Variants in CCNC observed in about 807,000 individuals in gnomAD.
The protein encoded by CCNC is cyclin C.
A neutral mutation model predicts 50.0 loss-of-function variants in CCNC; 19 were observed. The observed-to-expected ratio is 0.38, with a 90% CI of 0.27 to 0.56. The LOEUF is 0.56. CCNC is among the 20% of genes least tolerant of loss of function. The pLI, the probability that CCNC is intolerant of heterozygous loss-of-function variation, is 0.72. For synonymous variants in CCNC, 93 were observed against 103.7 expected (o/e 0.90, Z 0.63); for missense variants, 200 against 327.1 (o/e 0.61, Z 3.00).
At chr6:99,543,846 G>C (rs1801966650) in intron 11 of CCNC, 1 of 1,357,204 alleles carries the variant, frequency 7.4e-7, no homozygotes, top group Non-Finnish European at 9.5e-7. Flanking sequence ...CTGGAAGTTA[G>C]TGTCCATATA....
intron 7 of CCNC, 83 bp from the exon 8 acceptor site, chr6:99,550,392 T>A: frequency 1.1e-6 from 1 of 908,128 alleles, no homozygotes; most frequent in Non-Finnish European, 1.7e-6. Flanking sequence ...AACTGATTTG[T>A]AATTGTGTAT....
intron 4 of CCNC, among the ~76,000 whole-genome samples, chr6:99,560,987 C>T (rs1802755752): frequency 6.6e-6 from 1 of 152,294 alleles, no homozygotes; most frequent in Admixed American, 6.5e-5. Context: ...GTCTCAAAGG[C>T]AGCAGAGGAA....
At chr6:99,548,032 A>G (rs1483641730) in intron 9 of CCNC, among the ~76,000 whole-genome samples, 1 of 152,132 alleles carries the variant, frequency 6.6e-6, no homozygotes, top group East Asian at 1.9e-4. Context: ...AAAAGGAGGA[A>G]CATATTTTGG....
intron 5 of CCNC, among the ~76,000 whole-genome samples, chr6:99,556,983 G>C (rs1028251005): frequency 6.6e-6 from 1 of 152,174 alleles, no homozygotes; most frequent in African/African-American, 2.4e-5. Flanking sequence ...TAGCATCGAA[G>C]GCCCTCTATT....
At chr6:99,559,819 A>C (rs909120504) in intron 4 of CCNC, among the ~76,000 whole-genome samples, 14 of 151,270 alleles carry the variant, frequency 9.3e-5, no homozygotes, top group Non-Finnish European at 4.4e-5. Context: ...TCATGGGTTC[A>C]AGCAATTCTC....
In CCNC at chr6:99,549,383, C is replaced by T. The variant is rs143795316; in HGVS notation, c.598+125G>A. The T allele has an allele frequency of 5.0e-5, 36 of 715,352 alleles. No individual in the cohort carries two copies. In the African/African-American group the frequency reaches 6.0e-4, roughly 12 times the overall value. The allele number at this position is 715,352 out of a possible 1,614,324, so 44.3% of individuals were successfully genotyped here. On this transcript the variant is annotated intron_variant, in intron 9 of 11. Coordinates refer to ENST00000520429, the MANE Select transcript of CCNC (RefSeq NM_005190.4). ...GTTCATATTATTGAAAGCTCACATG[C>T]AAGGATTAGTCTATTACTTCATGGA...
At chr6:99,552,204 T>C (rs1473712509) in intron 5 of CCNC, among the ~76,000 whole-genome samples, 2 of 152,170 alleles carry the variant, frequency 1.3e-5, no homozygotes, top group Admixed American at 1.3e-4. Flanking sequence ...AGCTACAGAA[T>C]GGTATTCTTC....
Position 99,568,569 on chromosome 6 carries a change from G to A in CCNC, c.-42C>T. ...TGATAAAAAAGCACCAGCCGGCGGA[G>A]CGGCCCGCGGAGCGACCATAGACCC... On this transcript the variant is annotated 5_prime_UTR_variant, in exon 1 of 12. Transcript: ENST00000520429. 1 of 1,602,362 alleles carries A rather than the reference G, an allele frequency of 6.2e-7. No homozygotes were observed. The highest frequency in any genetic ancestry group is 8.5e-7 in the Non-Finnish European group (1 of 1,174,920).
chr6:99,544,060 T>A (rs1583565394), intron 11 of CCNC: 5 of 1,260,382 alleles, frequency 4.0e-6, no homozygotes, highest in Non-Finnish European at 4.1e-6. Context: ...CATAATAAAA[T>A]CATATATAAA....
intron 4 of CCNC, among the ~76,000 whole-genome samples, chr6:99,560,151 C>T (rs1046084920): frequency 2.0e-5 from 3 of 152,084 alleles, no homozygotes; most frequent in Non-Finnish European, 4.4e-5. Context: ...AATTAATCTA[C>T]AAGATTAAAT....
At chr6:99,551,383 A>C (rs1421027288) in intron 6 of CCNC, among the ~76,000 whole-genome samples, 1 of 152,174 alleles carries the variant, frequency 6.6e-6, no homozygotes, top group East Asian at 1.9e-4. Context: ...ACTTAATTTA[A>C]AAAATGTAAC....
upstream of CCNC, chr6:99,568,690 T>C: frequency 6.8e-7 from 1 of 1,469,000 alleles, no homozygotes; most frequent in East Asian, 2.5e-5. Context: ...CCCCCTAGTC[T>C]CCTTCACGCC....
Position 99,545,119 on chromosome 6 carries a change from G to A in CCNC, c.790C>T (p.Pro264Ser), listed in dbSNP as rs1802021203. 2 of 1,539,128 alleles carry A rather than the reference G, an allele frequency of 1.3e-6. No individual in the cohort carries two copies. Among genetic ancestry groups the A allele is most frequent in the South Asian group, 2.2e-5 (2 of 89,422 alleles). The stretch of plus-strand genomic sequence containing the variant: ...TTAAAGTCTACAAAGTACCTGTTTG[G>A]AGGTGGTTTTGGTTTTGGCATCTTA... ...LSKMPKPKPPPNSEGEQGPNG... is the reference protein window; with the variant it reads ...LSKMPKPKPPSNSEGEQGPNG... The change falls in exon 11 of 12, where the codon CCA becomes TCA. Residue 264 changes from proline to serine, a missense_variant. By Grantham distance (74) the Pro-to-Ser change is moderately conservative (BLOSUM62 -1). Transcript: ENST00000520429.
intron 5 of CCNC, 170 bp downstream of exon 5, chr6:99,558,327 C>T: frequency 2.1e-6 from 2 of 961,810 alleles, no homozygotes; most frequent in Non-Finnish European, 2.8e-6. Flanking sequence ...AAAAAAAAAC[C>T]TTTTAGCTTG....
chr6:99,558,565 A>G lies in CCNC; in HGVS notation c.295-17T>C. 1 of 1,591,646 alleles carries G rather than the reference A, an allele frequency of 6.3e-7. No homozygotes were observed. Among genetic ancestry groups the G allele is most frequent in the Non-Finnish European group, 8.5e-7 (1 of 1,173,278 alleles). ...TCCAAATTCCTAAAGAAAGAAAAGC[A>G]GGTACATGTTAACCCAATGAATCTA... On this transcript the variant is annotated splice_polypyrimidine_tract_variant and intron_variant, in intron 4 of 11. Transcript: ENST00000520429.
intron 4 of CCNC, among the ~76,000 whole-genome samples, chr6:99,559,786 C>T (rs1802698599): frequency 6.8e-6 from 1 of 146,752 alleles, no homozygotes; most frequent in African/African-American, 2.5e-5. Context: ...GTGGCATAGT[C>T]TTGGCTCACT....
upstream of CCNC, chr6:99,568,784 G>A: frequency 2.5e-6 from 3 of 1,203,222 alleles, no homozygotes; most frequent in Non-Finnish European, 3.3e-6. Flanking sequence ...GAGGGGAGGT[G>A]CTGACCCTTG....
chr6:99,557,178 C>A (rs1250215544), intron 5 of CCNC: 3 of 152,202 alleles, frequency 2.0e-5, no homozygotes, highest in Non-Finnish European at 2.9e-5. Context: ...ATGAAACAAT[C>A]TTTTCCCACC....
At chr6:99,560,760 G>A (rs530518132) in intron 4 of CCNC, among the ~76,000 whole-genome samples, 6 of 152,224 alleles carry the variant, frequency 3.9e-5, no homozygotes, top group South Asian at 2.1e-4. Context: ...ATTTCTCTAC[G>A]CTCACAACCT....
Sources: gnomAD v4.1 joint callset for allele counts (sites outside exome capture counted in the v4.1 genomes callset) on GRCh38, gnomAD v4.1.1 for gene constraint, MANE v1.5 for transcripts, NCBI Gene and HGNC (gene_info 2026-07-23, HGNC 2026-07-21) for gene names.